The following OLFM1 variants were observed in gnomAD, a reference collection of about 807,000 sequenced individuals.
OLFM1 encodes the protein olfactomedin 1.
Under a neutral mutation model 49.7 loss-of-function variants are expected in OLFM1, and 9 were observed. That is an observed-to-expected ratio of 0.18 (90% CI 0.11 to 0.32). OLFM1 has a LOEUF of 0.32. Among genes scored for constraint, OLFM1 ranks in the 10% least tolerant of loss-of-function variants. The probability of loss-of-function intolerance (pLI) is 1.00; values close to 1 mark genes in which losing one functional copy is unlikely to be tolerated. For synonymous variants in OLFM1, 240 were observed against 271.8 expected (o/e 0.88, Z 1.15); for missense variants, 369 against 661.8 (o/e 0.56, Z 4.85).
chr9:135,077,506 G>A (rs1168291710), intron 1 of OLFM1: 3 of 345,530 alleles, frequency 8.7e-6, no homozygotes, highest in Non-Finnish European at 1.5e-5. Flanking sequence ...CACACGAAGG[G>A]TGCTGGACAT....
At chr9:135,106,449 A>C (rs886232630) in intron 4 of OLFM1, 1 of 369,768 alleles carries the variant, frequency 2.7e-6, no homozygotes, top group Non-Finnish European at 4.9e-6. Flanking sequence ...CCCCATCCCC[A>C]GGCCATGGGT....
chr9:135,081,799 C>A (rs1420643667), intron 1 of OLFM1, among the ~76,000 whole-genome samples: 1 of 152,154 alleles, frequency 6.6e-6, no homozygotes, highest in Non-Finnish European at 1.5e-5. Context: ...GAAATAGGAT[C>A]TACAGGTCCT....
intron 2 of OLFM1, among the ~76,000 whole-genome samples, chr9:135,094,744 T>C (rs560005234): frequency 1.1e-4 from 16 of 152,326 alleles, no homozygotes; most frequent in African/African-American, 3.1e-4. Flanking sequence ...TTACTTTATT[T>C]GGCGGGGTGG....
In OLFM1 at chr9:135,088,085, C is replaced by A; in HGVS notation, c.96C>A (p.Leu32=). ...MSQTLPSLVG[L]NTTKLSAAGG... ...AGACGCTGCCCTCGCTGGTGGGCCT[C>A]AACACCACCAAGCTCTCGGCGGCCG... The change falls in exon 1 of 6, where the codon CTC becomes CTA. Residue 32 remains leucine, a synonymous_variant. Coordinates refer to ENST00000371793, the MANE Select transcript of OLFM1 (RefSeq NM_001282611.2). This position sits in a 1 kb window ranked among gnomAD's most constrained non-coding sequence, Gnocchi z 4.8. 6.9e-7 allele frequency: 1 copy of A among 1,441,838 alleles called. No individual in the cohort carries two copies. Among genetic ancestry groups the A allele is most frequent in the Non-Finnish European group, 9.2e-7 (1 of 1,084,204 alleles). 89.3% of individuals were successfully genotyped at this position (1,441,838 alleles called of 1,614,324 possible).
intron 1 of OLFM1, among the ~76,000 whole-genome samples, chr9:135,081,076 G>T (rs552669297): frequency 2.6e-5 from 4 of 152,114 alleles, no homozygotes; most frequent in African/African-American, 9.7e-5. Flanking sequence ...GACTGATACC[G>T]CATGTCACGA....
In OLFM1 at chr9:135,120,493, C is replaced by T. The variant is rs1400531782; in HGVS notation, c.*315C>T. ...GAGGCAATGACTGTTGGCCAGTTCT[C>T]ACCGGGGAAAAACCCACTGTTAGGA... On this transcript the variant is annotated 3_prime_UTR_variant, in exon 6 of 6. Transcript: ENST00000371793. 3 of 356,904 alleles carry T rather than the reference C, an allele frequency of 8.4e-6. No homozygotes were observed. The highest frequency in any genetic ancestry group is 2.1e-5 in the African/African-American group (1 of 47,718). 22.1% of individuals were successfully genotyped at this position (356,904 alleles called of 1,614,324 possible). A position where few individuals can be genotyped will look rare whatever the true frequency, so the allele number is the denominator to read the frequency against.
chr9:135,085,777 C>T (rs1369139991), upstream of OLFM1, among the ~76,000 whole-genome samples: 2 of 152,250 alleles, frequency 1.3e-5, no homozygotes, highest in Non-Finnish European at 2.9e-5. Flanking sequence ...CCTTCTAAAT[C>T]CAATTACACT....
At chr9:135,083,881 C>T (rs11791559), upstream of OLFM1, among the ~76,000 whole-genome samples, 14,585 of 152,286 alleles carry the variant, frequency 0.096, 942 homozygotes, top group Admixed American at 0.18. Context: ...TTCTCCCTCC[C>T]GGGGCCAAAA....
chr9:135,075,942 AG>A (rs1459970130), intron 1 of OLFM1: 3 of 1,116,360 alleles, frequency 2.7e-6, no homozygotes, highest in Non-Finnish European at 3.4e-6. Flanking sequence ...GGGGTTGGGG[AG>A]GGGGCCAGGG....
chr9:135,084,306 TTCTTCTCTCTCTC>T (rs953790923), upstream of OLFM1, among the ~76,000 whole-genome samples: 2 of 149,646 alleles, frequency 1.3e-5, no homozygotes, highest in Non-Finnish European at 2.9e-5. The surrounding 1 kb of genome is among the most constrained non-coding windows in gnomAD (Gnocchi z 4.6). Flanking sequence ...CACTCTATCT[TTCTTCTCTCTCTC>T]TCTTCTCTCT....
chr9:135,086,437 G>A (rs1265306175), upstream of OLFM1: 1 of 365,122 alleles, frequency 2.7e-6, no homozygotes, highest in Admixed American at 3.6e-5. Flanking sequence ...AAAAGCCCCA[G>A]GAAGGCGTTG....
At position 135,121,003 on chromosome 9, in the gene OLFM1, AT is replaced by A. The variant is rs994811364; in HGVS notation, c.*827del. 1 of 152,524 alleles carries A rather than the reference AT, an allele frequency of 6.6e-6. No individual in the cohort carries two copies. Among genetic ancestry groups the A allele is most frequent in the Admixed American group, 6.5e-5 (1 of 15,290 alleles). The allele number at this position is 152,524 out of a possible 1,614,324, so 9.4% of individuals were successfully genotyped here. On this transcript the variant is annotated 3_prime_UTR_variant, in exon 6 of 6. Coordinates refer to ENST00000371793, the MANE Select transcript of OLFM1 (RefSeq NM_001282611.2). ...AAAGGAATTACTCTCTTCTTGTTAAATTAGCTAAATCATGTAACCGCAGATA... is the reference window on the plus strand; with the variant it reads ...AAAGGAATTACTCTCTTCTTGTTAAATAGCTAAATCATGTAACCGCAGATA...
intron 4 of OLFM1, among the ~76,000 whole-genome samples, chr9:135,102,944 C>T (rs920166773): frequency 8.5e-5 from 13 of 152,196 alleles, no homozygotes; most frequent in Non-Finnish European, 1.8e-4. Context: ...CATGCTGCTG[C>T]GTAGAAGTGG....
chr9:135,106,027 G>A (rs79562240), intron 4 of OLFM1: 1,657 of 152,776 alleles, frequency 0.011, 20 homozygotes, highest in African/African-American at 0.034. Flanking sequence ...CGGGTGGCCC[G>A]GGTGTGTCCC....
intron 3 of OLFM1, chr9:135,097,933 T>C: frequency 6.7e-7 from 1 of 1,494,050 alleles, no homozygotes; most frequent in African/African-American, 1.4e-5. Flanking sequence ...GAACCTTGAA[T>C]ACAACCAGGA....
intron 2 of OLFM1, among the ~76,000 whole-genome samples, chr9:135,094,070 T>C (rs562545162): frequency 6.6e-6 from 1 of 152,290 alleles, no homozygotes; most frequent in African/African-American, 2.4e-5. Flanking sequence ...TCCTCGGCAC[T>C]TGTGGGCCTT....
chr9:135,080,504 C>G lies in OLFM1; in HGVS notation c.96+4702C>G, dbSNP rs753290378. Among the ~76,000 whole-genome samples the G allele has an allele frequency of 6.6e-6, 1 of 152,248 alleles. No individual in the cohort carries two copies. The highest frequency in any genetic ancestry group is 1.9e-4 in the East Asian group (1 of 5,158). ...GGGGCACCCTCCCCTTTCCCATTCCCGGGCTGCCTCCCCTGGTGGAGAGGC... is the reference window on the plus strand; with the variant it reads ...GGGGCACCCTCCCCTTTCCCATTCCGGGGCTGCCTCCCCTGGTGGAGAGGC... On this transcript the variant is annotated intron_variant, in intron 1 of 5. Coordinates refer to the OLFM1 transcript ENST00000252854. This position sits in a 1 kb window ranked among gnomAD's most constrained non-coding sequence, Gnocchi z 4.5.
chr9:135,095,989 TCATAAGCAA>T lies in OLFM1; in HGVS notation c.429_437del (p.Lys144_His146del). 6.4e-7 allele frequency: 1 copy of T among 1,563,384 alleles called. No individual in the cohort carries two copies. Among genetic ancestry groups the T allele is most frequent in the African/African-American group, 1.4e-5 (1 of 72,294 alleles). On this transcript the variant is annotated inframe_deletion, in exon 3 of 6. Coordinates refer to ENST00000371793, the MANE Select transcript of OLFM1 (RefSeq NM_001282611.2). ...CCAAGTTCAAACAGGTGGAGGAGAG[TCATAAGCAA>T]CACCTGGCCAGGCAGTTTAAGGTAT...
rs1474882449 is a variant in OLFM1 at position 135,113,906 on chromosome 9, C to T, written c.784-5598C>T. ...GGAGGCTGGAAGCCCCAGACCAGGG[C>T]GCCTGCAGGGCTGCGCTCTGAAGAT... On this transcript the variant is annotated intron_variant, in intron 5 of 5. Coordinates refer to ENST00000371793, the MANE Select transcript of OLFM1 (RefSeq NM_001282611.2). The surrounding 1 kb of genome is among the most constrained non-coding windows in gnomAD (Gnocchi z 4.0). Among the ~76,000 whole-genome samples, 5 of 152,292 alleles carry T rather than the reference C, an allele frequency of 3.3e-5. No individual in the cohort carries two copies. The highest frequency in any genetic ancestry group is 1.3e-4 in the Admixed American group (2 of 15,308).
Sources: allele counts gnomAD v4.1 joint callset (sites outside exome capture counted in the v4.1 genomes callset), GRCh38; gene constraint gnomAD v4.1.1; non-coding constraint Gnocchi (gnomAD v3.1); transcripts MANE v1.5; gene names NCBI Gene and HGNC (gene_info 2026-07-23, HGNC 2026-07-21).